GRID2: variants seen among roughly 807,000 people sequenced by gnomAD.
GRID2 encodes glutamate receptor ionotropic, delta-2.
In GRID2, 33 loss-of-function variants were observed where a neutral mutation model predicts 114.8. The ratio of observed to expected loss-of-function variants is 0.29; its 90% CI spans 0.22 to 0.38. The LOEUF (loss-of-function observed/expected upper bound fraction) is 0.38, where lower values mean the gene tolerates loss of function less well. Among genes scored for constraint, GRID2 ranks in the 10% least tolerant of loss-of-function variants. GRID2 has a pLI of 1.00. For missense variants in GRID2, 1,184 were observed against 1,257.7 expected, an observed-to-expected ratio of 0.94 and a Z score of 0.89; for synonymous variants, 505 against 449.9, an observed-to-expected ratio of 1.12 and a Z score of -1.55.
chr4:92,431,096 A>G (rs1175239878), intron 1 of GRID2, among the ~76,000 whole-genome samples: 1 of 152,132 alleles, frequency 6.6e-6, no homozygotes, highest in African/African-American at 2.4e-5. Flanking sequence ...GACCCTTTAT[A>G]TATTTCTCTT....
At chr4:92,408,020 A>C (rs1731106512) in intron 1 of GRID2, among the ~76,000 whole-genome samples, 1 of 152,160 alleles carries the variant, frequency 6.6e-6, no homozygotes, top group Non-Finnish European at 1.5e-5. Context: ...TCTACGTAGA[A>C]AAGGATATTT....
intron 1 of GRID2, among the ~76,000 whole-genome samples, chr4:92,491,316 C>T (rs1723135897): frequency 6.6e-6 from 1 of 152,080 alleles, no homozygotes; most frequent in South Asian, 2.1e-4. Flanking sequence ...AGCTATGCTT[C>T]CAGTTCCACA....
Position 93,772,433 on chromosome 4 carries a change from T to C in GRID2, c.2959T>C (p.Tyr987His). 6.2e-7 allele frequency: 1 copy of C among 1,613,558 alleles called. No individual in the cohort carries two copies. Among genetic ancestry groups the C allele is most frequent in the Non-Finnish European group, 8.5e-7 (1 of 1,179,724 alleles). Residue 987 changes from tyrosine (Y) to histidine (H), a missense_variant, in exon 16 of 16, where the codon TAT becomes CAT. Physicochemically the swap from Tyr to His is moderately conservative, Grantham distance 83. Around this residue, in one of 3 missense-constraint regions of GRID2, gnomAD observed 717 missense variants for 796.9 expected, o/e 0.90. Transcript: ENST00000282020. ...SPIKTMSSIP[Y>H]QPTPTLGLNL... ...TATAAAAACAATGTCATCTATTCCT[T>C]ATCAACCAACTCCTACCCTGGGGCT...
chr4:93,009,479 C>T (rs1229185412), intron 2 of GRID2, among the ~76,000 whole-genome samples: 1 of 152,132 alleles, frequency 6.6e-6, no homozygotes, highest in Non-Finnish European at 1.5e-5. Context: ...AACGCAAGGA[C>T]TCTCTTTGGA....
chr4:92,646,475 TA>T (rs56077205), intron 2 of GRID2, among the ~76,000 whole-genome samples: 231 of 152,020 alleles, frequency 1.5e-3, no homozygotes, highest in African/African-American at 2.8e-3. Context: ...AAATCTTGAC[TA>T]AAAAAAAAAA....
intron 2 of GRID2, among the ~76,000 whole-genome samples, chr4:92,744,046 C>T (rs1290854836): frequency 4.6e-5 from 7 of 151,748 alleles, no homozygotes; most frequent in African/African-American, 1.7e-4. Flanking sequence ...ATTTTTCCTA[C>T]TCAACCTAAT....
At chr4:93,308,501 T>C (rs1755674890) in intron 8 of GRID2, among the ~76,000 whole-genome samples, 1 of 152,112 alleles carries the variant, frequency 6.6e-6, no homozygotes, top group Non-Finnish European at 1.5e-5. Context: ...GTAAACTCAG[T>C]CGAAGTGAGC....
chr4:93,796,228 C>T (rs1734797441), intron 1 of GRID2, among the ~76,000 whole-genome samples: 1 of 152,130 alleles, frequency 6.6e-6, no homozygotes, highest in Non-Finnish European at 1.5e-5. Flanking sequence ...TTCTGATTAA[C>T]TCAAAGTTGA....
At chr4:93,296,148 T>A (rs1245392762) in intron 8 of GRID2, among the ~76,000 whole-genome samples, 3 of 152,222 alleles carry the variant, frequency 2.0e-5, no homozygotes, top group Non-Finnish European at 2.9e-5. Flanking sequence ...AACCTGCCTC[T>A]TCCAGTTTAT....
At chr4:92,459,254 T>G (rs1251707108) in intron 1 of GRID2, among the ~76,000 whole-genome samples, 2 of 152,182 alleles carry the variant, frequency 1.3e-5, no homozygotes, top group South Asian at 2.1e-4. Flanking sequence ...TATTCAAATA[T>G]GTAAGTCATA....
intron 10 of GRID2, among the ~76,000 whole-genome samples, chr4:93,439,518 C>G (rs1721426412): frequency 6.6e-6 from 1 of 152,054 alleles, no homozygotes; most frequent in South Asian, 2.1e-4. Context: ...CAGTGAGCAT[C>G]TGGAACCCAA....
chr4:93,447,432 G>A (rs771040060), intron 10 of GRID2, among the ~76,000 whole-genome samples: 4 of 151,938 alleles, frequency 2.6e-5, no homozygotes, highest in Non-Finnish European at 5.9e-5. Flanking sequence ...CCTTGGGCAT[G>A]TCTGGTTTTG....
intron 2 of GRID2, among the ~76,000 whole-genome samples, chr4:92,698,941 AC>A (rs1233127801): frequency 6.6e-6 from 1 of 152,106 alleles, no homozygotes; most frequent in African/African-American, 2.4e-5. Context: ...TACTGACAAC[AC>A]ATATTTTGTG....
At chr4:93,597,034 A>G (rs1028944641) in intron 13 of GRID2, among the ~76,000 whole-genome samples, 13 of 152,240 alleles carry the variant, frequency 8.5e-5, no homozygotes, top group African/African-American at 2.7e-4. Context: ...GAAAATTATC[A>G]GTAGACAGTG....
intron 1 of GRID2, among the ~76,000 whole-genome samples, chr4:92,490,379 T>C (rs547698071): frequency 6.6e-6 from 1 of 152,192 alleles, no homozygotes; most frequent in African/African-American, 2.4e-5. Flanking sequence ...GTGCTTGTAA[T>C]TTTTGTTCAT....
At chr4:92,499,137 A>G (rs1056671120) in intron 1 of GRID2, among the ~76,000 whole-genome samples, 4 of 151,800 alleles carry the variant, frequency 2.6e-5, no homozygotes, top group Non-Finnish European at 5.9e-5. Context: ...TTTTCTTTAC[A>G]TTTTTCCTTT....
chr4:93,502,333 G>A (rs1728190907), intron 12 of GRID2, among the ~76,000 whole-genome samples: 3 of 151,956 alleles, frequency 2.0e-5, no homozygotes, highest in African/African-American at 7.2e-5. Flanking sequence ...TTTGAATGAT[G>A]TTATTTTCCA....
chr4:93,030,449 A>G (rs973010200), intron 2 of GRID2, among the ~76,000 whole-genome samples: 2 of 151,186 alleles, frequency 1.3e-5, no homozygotes, highest in African/African-American at 4.9e-5. Context: ...CCATGGCTCA[A>G]TCTCAGCTCA....
chr4:92,514,100 T>G (rs1010831362), intron 1 of GRID2, among the ~76,000 whole-genome samples: 1 of 151,856 alleles, frequency 6.6e-6, no homozygotes, highest in Admixed American at 6.6e-5. Context: ...GAAAAGGGTT[T>G]GTTGTTTCTT....
Sources: gnomAD v4.1 joint callset for allele counts (sites outside exome capture counted in the v4.1 genomes callset) on GRCh38, gnomAD v4.1.1 for gene constraint, gnomAD v4.1.1 regional missense constraint, MANE v1.5 for transcripts, NCBI Gene and HGNC (gene_info 2026-07-23, HGNC 2026-07-21) for gene names.